The following HERC1 variants were observed in gnomAD, a reference collection of about 807,000 sequenced individuals.
HERC1 encodes HECT and RLD domain containing E3 ubiquitin protein ligase family member 1.
A neutral mutation model predicts 554.3 loss-of-function variants in HERC1; 160 were observed. The observed-to-expected ratio is 0.29, with a 90% CI of 0.25 to 0.33. The LOEUF is 0.33. Ranked by LOEUF, HERC1 falls within the 10% of genes least tolerant of loss-of-function variation. The pLI, the probability that HERC1 is intolerant of heterozygous loss-of-function variation, is 1.00. For missense variants in HERC1, 4,919 were observed against 5,918.5 expected, an observed-to-expected ratio of 0.83 and a Z score of 5.54; for synonymous variants, 2,175 against 2,131.7, an observed-to-expected ratio of 1.02 and a Z score of -0.56.
At chr15:63,816,744 C>G (rs889085134) in intron 1 of HERC1, among the ~76,000 whole-genome samples, 6 of 152,144 alleles carry the variant, frequency 3.9e-5, no homozygotes, top group Non-Finnish European at 8.8e-5. Context: ...TGCTGGCATA[C>G]AGTGTCCTAA....
chr15:63,638,674 T>A, intron 62 of HERC1, 37 bp downstream of exon 62: 5 of 1,594,610 alleles, frequency 3.1e-6, no homozygotes, highest in Non-Finnish European at 4.3e-6. Context: ...AAACATTGAC[T>A]GAGAACCATC....
intron 46 of HERC1, 97 bp downstream of exon 46, chr15:63,660,876 C>T: frequency 3.0e-6 from 2 of 668,378 alleles, no homozygotes; most frequent in South Asian, 1.9e-5. Context: ...CAAATACAAA[C>T]ACACACACAC....
rs371527327 is a variant in HERC1 at position 63,674,441 on chromosome 15, C to T, written c.7747G>A (p.Ala2583Thr). 1.7e-5 allele frequency: 28 copies of T among 1,613,790 alleles called. No individual in the cohort carries two copies. In the Middle Eastern group the frequency reaches 8.2e-4, roughly 47 times the overall value. Residue 2583 changes from alanine (A) to threonine (T), a missense_variant, in exon 38 of 78, where the codon GCA becomes ACA. By Grantham distance (58) the Ala-to-Thr change is moderately conservative (BLOSUM62 0). This residue lies in a region of HERC1 where 1,963 missense variants were observed against 2,228.6 expected (regional missense o/e 0.88). Transcript: ENST00000443617. ...CGTTCCAGATCAGCTAATCCCAATG[C>T]TCTCTTTATGGGTGACCGCATGACT... The part of the protein sequence containing the change: ...RAVMRSPIKR[A>T]LGLADLERAQ...
At chr15:63,814,636 T>G (rs1210598069) in intron 1 of HERC1, among the ~76,000 whole-genome samples, 1 of 152,108 alleles carries the variant, frequency 6.6e-6, no homozygotes, top group Non-Finnish European at 1.5e-5. Context: ...TTTGTACTAG[T>G]TTTTGTATTT....
chr15:63,713,276 G>A, intron 23 of HERC1, 77 bp downstream of exon 23: 1 of 1,237,268 alleles, frequency 8.1e-7, no homozygotes, highest in South Asian at 1.4e-5. Flanking sequence ...CTGTAACTTT[G>A]GAAACAAACC....
In HERC1 at chr15:63,664,584, A is replaced by C; in HGVS notation, c.8566T>G (p.Leu2856Val). 6.2e-7 allele frequency: 1 copy of C among 1,613,114 alleles called. No individual in the cohort carries two copies. Among genetic ancestry groups the C allele is most frequent in the Non-Finnish European group, 8.5e-7 (1 of 1,179,380 alleles). Residue 2856 changes from leucine to valine, a missense_variant, in exon 43 of 78, where the codon TTG becomes GTG. By Grantham distance (32) the Leu-to-Val change is conservative (BLOSUM62 1). Transcript: ENST00000443617. ...GAAGCTGCATTCTCTGTATGATCCA[A>C]ATTATCAGGGCTACAAGTGCAAGTG... ...EEGFSESPDN[L>V]DHTENAASGS...
chr15:63,674,005 A>T (rs2071070380), intron 38 of HERC1, among the ~76,000 whole-genome samples: 1 of 152,222 alleles, frequency 6.6e-6, no homozygotes, highest in Admixed American at 6.5e-5. Flanking sequence ...GATTACAGGC[A>T]TGAGCCACCA....
At chr15:63,630,682 AAC>A in intron 68 of HERC1, 47 bp from the exon 69 acceptor site, 1 of 1,543,150 alleles carries the variant, frequency 6.5e-7, no homozygotes. Context: ...TGCACCACAC[AAC>A]ACAGTGCTTT....
At chr15:63,733,293 AATTAATCCC>A in intron 13 of HERC1, 148 bp from the exon 14 acceptor site, 1 of 606,490 alleles carries the variant, frequency 1.6e-6, no homozygotes, top group African/African-American at 1.8e-5. Flanking sequence ...AAAACTACCC[AATTAATCCC>A]ATTTAGGAAA....
intron 24 of HERC1, among the ~76,000 whole-genome samples, chr15:63,709,058 C>G (rs2073159031): frequency 1.3e-5 from 2 of 152,172 alleles, no homozygotes; most frequent in African/African-American, 2.4e-5. Context: ...GGCGCCATCT[C>G]GGCTCACTAT....
At position 63,677,503 on chromosome 15, in the gene HERC1, T is replaced by C. The variant is rs926885486; in HGVS notation, c.7070+342A>G. On this transcript the variant is annotated intron_variant, in intron 37 of 77. Coordinates refer to ENST00000443617, the MANE Select transcript of HERC1 (RefSeq NM_003922.4). This position sits in a 1 kb window ranked among gnomAD's most constrained non-coding sequence, Gnocchi z 4.4. ...AGATTAGCTGGCTGGCTTTTTACTA[T>C]GCCAGTGTGTAACAGAAATGATCAA... is the stretch of plus-strand genomic sequence containing the variant. 2.6e-5 allele frequency among the ~76,000 whole-genome samples: 4 copies of C among 152,230 alleles called. No individual in the cohort carries two copies. The highest frequency in any genetic ancestry group is 2.1e-4 in the South Asian group (1 of 4,834).
At chr15:63,635,072 G>C (rs1055037277) in intron 65 of HERC1, 184 bp from the exon 66 acceptor site, 5 of 413,408 alleles carry the variant, frequency 1.2e-5, no homozygotes, top group Non-Finnish European at 2.1e-5. Context: ...TAAAGAGACA[G>C]TGTCTTGCTC....
At chr15:63,696,946 A>T (rs976241641) in intron 26 of HERC1, among the ~76,000 whole-genome samples, 28 of 151,864 alleles carry the variant, frequency 1.8e-4, no homozygotes, top group African/African-American at 6.8e-4. Flanking sequence ...AAAAAAAAAA[A>T]AAAAATTATT....
chr15:63,684,120 G>C (rs1009577499), intron 34 of HERC1, among the ~76,000 whole-genome samples: 6 of 152,134 alleles, frequency 3.9e-5, no homozygotes, highest in African/African-American at 1.4e-4. Context: ...GTGTTTTCTG[G>C]GGGCAATATA....
At chr15:63,726,420 AT>A (rs2074042636) in intron 17 of HERC1, among the ~76,000 whole-genome samples, 1 of 152,256 alleles carries the variant, frequency 6.6e-6, no homozygotes, top group South Asian at 2.1e-4. Flanking sequence ...ATGATAATGG[AT>A]AAGTTATCTA....
chr15:63,681,008 T>C (rs754803229), intron 34 of HERC1, among the ~76,000 whole-genome samples: 1 of 152,188 alleles, frequency 6.6e-6, no homozygotes, highest in African/African-American at 2.4e-5. Flanking sequence ...ATCTATAGTA[T>C]TTAAAATAAG....
intron 33 of HERC1, among the ~76,000 whole-genome samples, chr15:63,688,658 G>A (rs1015190239): frequency 6.6e-6 from 1 of 152,112 alleles, no homozygotes; most frequent in Non-Finnish European, 1.5e-5. Context: ...AGGAGAATGA[G>A]AACAGGCCAT....
intron 61 of HERC1, 43 bp downstream of exon 61, chr15:63,640,109 T>TA (rs759886260): frequency 9.8e-5 from 155 of 1,586,598 alleles, no homozygotes; most frequent in Non-Finnish European, 1.3e-4. Context: ...ATACCCATGA[T>TA]AAAATCTCAG....
rs755292840 is a variant in HERC1 at position 63,632,727 on chromosome 15, C to T, written c.12778G>A (p.Val4260Met). The T allele has an allele frequency of 3.5e-5, 55 of 1,559,260 alleles. No individual in the cohort carries two copies. The South Asian group carries it at 5.2e-4, about 15-fold the overall frequency. ...GTCTTACCTTGACCAAAGGTATACA[C>T]ATGACCATCTTTGGTCAAAGCAACA... is the stretch of plus-strand genomic sequence containing the variant. ...FSVALTKDGH[V>M]YTFGQDRLIG... is the part of the protein sequence containing the mutation. The change falls in exon 68 of 78, where the codon GTG (valine) becomes ATG (methionine). Residue 4260 changes from valine (V) to methionine (M), a missense_variant. Val to Met is a conservative substitution (Grantham distance 21). Transcript: ENST00000443617.
Sources: gnomAD v4.1 joint callset for allele counts (sites outside exome capture counted in the v4.1 genomes callset) on GRCh38, gnomAD v4.1.1 for gene constraint, gnomAD v4.1.1 regional missense constraint, Gnocchi (gnomAD v3.1) non-coding constraint, MANE v1.5 for transcripts, NCBI Gene and HGNC (gene_info 2026-07-23, HGNC 2026-07-21) for gene names.